The following CDH2 variants were observed in gnomAD, a reference collection of about 807,000 sequenced individuals.
The protein encoded by CDH2 is cadherin 2.
A neutral mutation model predicts 92.0 loss-of-function variants in CDH2; 17 were observed. The ratio of observed to expected loss-of-function variants is 0.18; its 90% CI spans 0.13 to 0.28. The LOEUF is 0.28. Ranked by LOEUF, CDH2 falls within the 10% of genes least tolerant of loss-of-function variation. CDH2 has a pLI of 1.00. For missense variants in CDH2, 862 were observed against 1,133.1 expected (o/e 0.76, Z 3.44); for synonymous variants, 419 against 415.9 (o/e 1.01, Z -0.09).
At chr18:27,992,572 C>T in intron 9 of CDH2, 83 bp downstream of exon 9, 2 of 1,159,870 alleles carry the variant, frequency 1.7e-6, no homozygotes, top group South Asian at 1.7e-5. Flanking sequence ...CCTAAGTTTC[C>T]ATTGCAAAAC....
At chr18:28,150,656 A>T (rs2016106982) in intron 1 of CDH2, among the ~76,000 whole-genome samples, 2 of 152,180 alleles carry the variant, frequency 1.3e-5, no homozygotes, top group African/African-American at 4.8e-5. Context: ...CATGAGAATT[A>T]TTGAAAAAAT....
intron 15 of CDH2, among the ~76,000 whole-genome samples, 159 bp downstream of exon 15, chr18:27,963,198 A>C (rs2011453198): frequency 6.6e-6 from 1 of 152,194 alleles, no homozygotes; most frequent in Admixed American, 6.5e-5. Flanking sequence ...ATTTGTTGTT[A>C]ATGAAGCCAC....
chr18:28,127,347 T>C (rs1012283679), intron 2 of CDH2, among the ~76,000 whole-genome samples: 2 of 152,168 alleles, frequency 1.3e-5, no homozygotes, highest in African/African-American at 4.8e-5. Flanking sequence ...GGCTTGGGAA[T>C]TTATAAGCTT....
At chr18:28,127,105 T>C (rs11564382) in intron 2 of CDH2, among the ~76,000 whole-genome samples, 7,881 of 152,218 alleles carry the variant, frequency 0.052, 714 homozygotes, top group African/African-American at 0.18. Flanking sequence ...ACCTGCTGTG[T>C]ATAAAGAAAC....
intron 2 of CDH2, among the ~76,000 whole-genome samples, chr18:28,135,957 T>C (rs1354076879): frequency 6.6e-6 from 1 of 152,200 alleles, no homozygotes; most frequent in African/African-American, 2.4e-5. Context: ...TCCAAGGAAA[T>C]ACATAGTTAC....
chr18:27,968,261 G>T (rs1385756837), intron 14 of CDH2, among the ~76,000 whole-genome samples: 2 of 152,182 alleles, frequency 1.3e-5, no homozygotes, highest in African/African-American at 2.4e-5. Context: ...ATTTGACCAA[G>T]GTCACAGACT....
rs530106189 is a variant in CDH2, at chr18:27,986,777, T to C, written c.1742-1016A>G. Among the ~76,000 whole-genome samples, 170 of 152,262 alleles carry C rather than the reference T, an allele frequency of 1.1e-3. 1 individual carries two copies. The highest frequency in any genetic ancestry group is 0.01 in the Middle Eastern group (3 of 294). The stretch of plus-strand genomic sequence containing the variant: ...CAGGGAGAGTTGAACTGGAAGGGTA[T>C]AGTGGCTGTTACAATATTCCAACAC... On this transcript the variant is annotated intron_variant, in intron 11 of 15. Coordinates refer to ENST00000269141, the MANE Select transcript of CDH2 (RefSeq NM_001792.5).
At chr18:28,000,901 A>G (rs578021953) in intron 7 of CDH2, among the ~76,000 whole-genome samples, 19 of 152,272 alleles carry the variant, frequency 1.2e-4, no homozygotes, top group Non-Finnish European at 2.2e-4. Flanking sequence ...AATAGAAATA[A>G]AAGAATTTCA....
chr18:28,146,014 C>G (rs2016029200), intron 2 of CDH2, among the ~76,000 whole-genome samples: 2 of 152,074 alleles, frequency 1.3e-5, no homozygotes, highest in African/African-American at 4.8e-5. Flanking sequence ...TAAAAAGACA[C>G]TGGCAAAAAG....
chr18:28,092,524 A>G (rs1019482967), intron 2 of CDH2, among the ~76,000 whole-genome samples: 16 of 152,068 alleles, frequency 1.1e-4, no homozygotes, highest in Admixed American at 9.2e-4. Context: ...AGGAATAGGA[A>G]TGAAATACTG....
At chr18:28,108,179 C>T (rs1045277718) in intron 2 of CDH2, among the ~76,000 whole-genome samples, 8 of 152,050 alleles carry the variant, frequency 5.3e-5, no homozygotes, top group African/African-American at 1.9e-4. Context: ...GTTGAGAGGG[C>T]ATGGAAACCC....
At chr18:28,009,496 ACTTC>A (rs745944273) in intron 5 of CDH2, among the ~76,000 whole-genome samples, 2 of 152,160 alleles carry the variant, frequency 1.3e-5, no homozygotes, top group Non-Finnish European at 2.9e-5. Flanking sequence ...AGGCAATTTC[ACTTC>A]CTTCTTTCTT....
chr18:28,097,895 A>C (rs1567997568), intron 2 of CDH2, among the ~76,000 whole-genome samples: 1 of 152,206 alleles, frequency 6.6e-6, no homozygotes, highest in Non-Finnish European at 1.5e-5. Flanking sequence ...TTTTGATAAA[A>C]TGGAGTTTTT....
At chr18:28,110,739 C>A (rs1462546441) in intron 2 of CDH2, among the ~76,000 whole-genome samples, 1 of 152,044 alleles carries the variant, frequency 6.6e-6, no homozygotes, top group African/African-American at 2.4e-5. Context: ...TTATTTACTG[C>A]AACAAGAATT....
chr18:28,093,714 T>C (rs2015076876), intron 2 of CDH2, among the ~76,000 whole-genome samples: 2 of 152,200 alleles, frequency 1.3e-5, no homozygotes, highest in Non-Finnish European at 2.9e-5. Flanking sequence ...CCTCGACATA[T>C]TCTATTTCAT....
chr18:28,109,908 G>A (rs950908195), intron 2 of CDH2, among the ~76,000 whole-genome samples: 1 of 152,098 alleles, frequency 6.6e-6, no homozygotes, highest in Non-Finnish European at 1.5e-5. Flanking sequence ...TCAAAAATGC[G>A]GGTTAACAAA....
intron 2 of CDH2, among the ~76,000 whole-genome samples, chr18:28,140,384 C>T (rs1208503116): frequency 3.3e-5 from 5 of 151,914 alleles, no homozygotes; most frequent in African/African-American, 1.2e-4. Context: ...GTACTATGGT[C>T]TGAATGGTTG....
In CDH2 at chr18:28,020,515, G is replaced by C. The variant is rs17493786; in HGVS notation, c.173-6606C>G. On this transcript the variant is annotated intron_variant, in intron 2 of 15. Transcript: ENST00000269141. ...TGTAAGGAGAAATACATAGTCCACT[G>C]GAGCCAACCTATTTCTGTTATTAAA... Among the ~76,000 whole-genome samples, 1,334 of 152,044 alleles carry C rather than the reference G, an allele frequency of 8.8e-3. 26 individuals carry two copies. Among genetic ancestry groups the C allele is most frequent in the African/African-American group, 0.031 (1,280 of 41,544 alleles).
At chr18:28,057,149 G>A (rs2014308125) in intron 2 of CDH2, among the ~76,000 whole-genome samples, 1 of 152,090 alleles carries the variant, frequency 6.6e-6, no homozygotes, top group African/African-American at 2.4e-5. Context: ...GGAGGTTCAT[G>A]GAAAGAACTC....
Sources: allele counts gnomAD v4.1 joint callset (sites outside exome capture counted in the v4.1 genomes callset), GRCh38; gene constraint gnomAD v4.1.1; transcripts MANE v1.5; gene names NCBI Gene and HGNC (gene_info 2026-07-23, HGNC 2026-07-21).